AGBL4: variants seen among roughly 807,000 people sequenced by gnomAD.
The protein encoded by AGBL4 is cytosolic carboxypeptidase 6.
In AGBL4, 58 loss-of-function variants were observed where a neutral mutation model predicts 66.4. The observed-to-expected ratio is 0.87, with a 90% CI of 0.71 to 1.09. The LOEUF (loss-of-function observed/expected upper bound fraction) is 1.09. Among genes scored for constraint, AGBL4 ranks in the 50% least tolerant of loss-of-function variants. The pLI is 0.00. For missense variants in AGBL4, 579 were observed against 631.0 expected, an observed-to-expected ratio of 0.92 and a Z score of 0.88; for synonymous variants, 234 against 222.9, an observed-to-expected ratio of 1.05 and a Z score of -0.44.
chr1:49,981,822 A>G (rs1042260293), intron 1 of AGBL4, among the ~76,000 whole-genome samples: 1 of 152,252 alleles, frequency 6.6e-6, no homozygotes, highest in East Asian at 1.9e-4. Context: ...AATCTGATAA[A>G]TGGATTATAT....
At chr1:48,727,729 G>T in intron 6 of AGBL4, 1 of 559,034 alleles carries the variant, frequency 1.8e-6, no homozygotes. Context: ...GTCGTCTTTG[G>T]AGTGTCCACA....
At chr1:49,701,492 A>G (rs1647093041) in intron 2 of AGBL4, among the ~76,000 whole-genome samples, 1 of 152,148 alleles carries the variant, frequency 6.6e-6, no homozygotes, top group Non-Finnish European at 1.5e-5. Context: ...AACTCATCAA[A>G]TTGTATACAA....
intron 6 of AGBL4, among the ~76,000 whole-genome samples, chr1:48,691,679 A>G (rs1646635747): frequency 6.6e-6 from 1 of 152,060 alleles, no homozygotes; most frequent in Non-Finnish European, 1.5e-5. Flanking sequence ...GGTAAAAAGC[A>G]CCCTTACACT....
intron 3 of AGBL4, among the ~76,000 whole-genome samples, chr1:49,375,543 T>C (rs559174089): frequency 6.6e-6 from 1 of 152,156 alleles, no homozygotes; most frequent in Non-Finnish European, 1.5e-5. Context: ...TAATGACTCT[T>C]AGGACAAGAA....
intron 6 of AGBL4, among the ~76,000 whole-genome samples, chr1:48,814,946 C>G (rs1646140296): frequency 6.6e-6 from 1 of 152,046 alleles, no homozygotes; most frequent in South Asian, 2.1e-4. Flanking sequence ...CATGTAGTAG[C>G]TCTATTTGTA....
intron 11 of AGBL4, among the ~76,000 whole-genome samples, chr1:48,565,406 C>T (rs948988322): frequency 1.3e-5 from 2 of 152,226 alleles, no homozygotes; most frequent in African/African-American, 4.8e-5. Context: ...TCTCTTCCAG[C>T]TGACATTCTG....
intron 2 of AGBL4, among the ~76,000 whole-genome samples, chr1:49,842,889 C>T (rs1273448379): frequency 6.6e-6 from 1 of 152,144 alleles, no homozygotes. Context: ...TCAGTCAGTT[C>T]TCGCATAGTA....
chr1:48,873,733 T>TA (rs1205289635), intron 5 of AGBL4, among the ~76,000 whole-genome samples: 2 of 152,114 alleles, frequency 1.3e-5, no homozygotes, highest in Non-Finnish European at 2.9e-5. Context: ...AACATACCCA[T>TA]ACAAAACTCA....
rs535792694 is a variant in AGBL4, at chr1:49,483,209, G to GATGT, written c.282+214100_282+214103dup. ...TGATGATGTCTAATATTGTCAGTGA[G>GATGT]ATGTTAAAGTCTCCCACTATTATTG... On this transcript the variant is annotated intron_variant, in intron 3 of 13. Transcript: ENST00000371839. Among the ~76,000 whole-genome samples the GATGT allele has an allele frequency of 3.5e-4, 53 of 152,138 alleles. 1 individual carries two copies. In the South Asian group the frequency reaches 9.8e-3, roughly 28 times the overall value.
intron 4 of AGBL4, among the ~76,000 whole-genome samples, chr1:49,244,211 T>C (rs1364662596): frequency 2.0e-5 from 3 of 151,860 alleles, no homozygotes; most frequent in African/African-American, 7.2e-5. Flanking sequence ...GAAAAATATA[T>C]ACAATGTCAT....
At chr1:49,494,287 T>TA (rs199627926) in intron 3 of AGBL4, among the ~76,000 whole-genome samples, 18 of 152,010 alleles carry the variant, frequency 1.2e-4, no homozygotes, top group African/African-American at 4.1e-4. Flanking sequence ...TTTTTTTTTT[T>TA]ATTATACTTT....
Position 49,906,273 on chromosome 1 carries a change from TA to T in AGBL4, c.35-54756del, listed in dbSNP as rs1236686148. On this transcript the variant is annotated intron_variant, in intron 1 of 13. Transcript: ENST00000371839. ...TGTACTTAAAAACATCTTATGTGCATAAACTCATGTAATCATTTATACATGC... is the reference window on the plus strand; with the variant it reads ...TGTACTTAAAAACATCTTATGTGCATAACTCATGTAATCATTTATACATGC... 1.8e-4 allele frequency among the ~76,000 whole-genome samples: 27 copies of T among 152,146 alleles called. No individual in the cohort carries two copies. The East Asian group carries it at 4.8e-3, about 27-fold the overall frequency.
intron 4 of AGBL4, among the ~76,000 whole-genome samples, chr1:49,154,381 A>C (rs1013989032): frequency 1.3e-5 from 2 of 152,310 alleles, no homozygotes; most frequent in South Asian, 4.1e-4. Flanking sequence ...ATAAAATGCA[A>C]TAAATAATAG....
intron 4 of AGBL4, among the ~76,000 whole-genome samples, chr1:49,127,993 A>G (rs1167349212): frequency 6.6e-6 from 1 of 152,118 alleles, no homozygotes; most frequent in Non-Finnish European, 1.5e-5. Flanking sequence ...TAGAAAAACA[A>G]GTCAACAGGA....
intron 3 of AGBL4, among the ~76,000 whole-genome samples, chr1:49,671,189 G>A (rs1260456312): frequency 6.6e-6 from 1 of 151,580 alleles, no homozygotes; most frequent in Non-Finnish European, 1.5e-5. Flanking sequence ...AGCCTCACAT[G>A]ACCATCTGAT....
At chr1:48,652,347 T>C (rs569425915) in intron 8 of AGBL4, among the ~76,000 whole-genome samples, 10 of 152,302 alleles carry the variant, frequency 6.6e-5, no homozygotes, top group African/African-American at 4.8e-5. Flanking sequence ...ATTAATGGGA[T>C]GAAGAAGGGA....
chr1:49,480,219 T>A (rs1646928341), intron 3 of AGBL4, among the ~76,000 whole-genome samples: 1 of 152,114 alleles, frequency 6.6e-6, no homozygotes, highest in Admixed American at 6.5e-5. Context: ...CACATTGTCT[T>A]CCACAATGGT....
intron 3 of AGBL4, among the ~76,000 whole-genome samples, chr1:49,422,186 A>AT (rs927065553): frequency 1.3e-5 from 2 of 152,176 alleles, no homozygotes; most frequent in African/African-American, 4.8e-5. Flanking sequence ...AAATTATGAG[A>AT]TTTTTAATCC....
intron 1 of AGBL4, among the ~76,000 whole-genome samples, chr1:49,928,172 C>A (rs1652980113): frequency 6.6e-6 from 1 of 152,166 alleles, no homozygotes; most frequent in South Asian, 2.1e-4. Context: ...AGAAAAAAGA[C>A]TAAAAACATA....
Sources: gnomAD v4.1 joint callset for allele counts (sites outside exome capture counted in the v4.1 genomes callset) on GRCh38, gnomAD v4.1.1 for gene constraint, MANE v1.5 for transcripts, NCBI Gene and HGNC (gene_info 2026-07-23, HGNC 2026-07-21) for gene names.